STK32B: variants seen among roughly 807,000 people sequenced by gnomAD.
STK32B encodes the protein serine/threonine kinase 32B.
A neutral mutation model predicts 52.6 loss-of-function variants in STK32B; 43 were observed. That is an observed-to-expected ratio of 0.82 (90% CI 0.64 to 1.05). The LOEUF (loss-of-function observed/expected upper bound fraction) is 1.05. STK32B is among the 50% of genes least tolerant of loss of function. The probability of loss-of-function intolerance (pLI) is 0.00; values close to 1 mark genes in which losing one functional copy is unlikely to be tolerated. For synonymous variants in STK32B, 238 were observed against 204.3 expected (o/e 1.17, Z -1.41); for missense variants, 621 against 534.6 (o/e 1.16, Z -1.59).
chr4:5,289,786 G>A (rs1033077631), intron 3 of STK32B, among the ~76,000 whole-genome samples: 3 of 143,420 alleles, frequency 2.1e-5, no homozygotes, highest in Non-Finnish European at 4.5e-5. Flanking sequence ...CTTGTGATCC[G>A]CCTGCCTCGG....
chr4:5,339,636 C>A (rs1732940107), intron 4 of STK32B, among the ~76,000 whole-genome samples: 1 of 152,180 alleles, frequency 6.6e-6, no homozygotes, highest in African/African-American at 2.4e-5. Flanking sequence ...AGTAGCCACA[C>A]TCGGAAGTGG....
intron 1 of STK32B, among the ~76,000 whole-genome samples, chr4:5,068,294 G>A (rs564946154): frequency 6.6e-6 from 1 of 151,970 alleles, no homozygotes; most frequent in South Asian, 2.1e-4. Context: ...TTCTTCCCCC[G>A]TCTGAGTCTC....
chr4:5,260,092 C>T lies in STK32B; in HGVS notation c.261-71128C>T, dbSNP rs189150878. On this transcript the variant is annotated intron_variant, in intron 3 of 11. Coordinates refer to ENST00000282908, the MANE Select transcript of STK32B (RefSeq NM_018401.3). ...ACATACACACATACACACACACACA[C>T]GCACACGTGCACGCACACACACACG... Among the ~76,000 whole-genome samples, 8 of 152,070 alleles carry T rather than the reference C, an allele frequency of 5.3e-5. No individual in the cohort carries two copies. In the East Asian group the frequency reaches 5.8e-4, roughly 11 times the overall value.
intron 3 of STK32B, among the ~76,000 whole-genome samples, chr4:5,237,843 G>T (rs1444480195): frequency 2.6e-5 from 4 of 152,162 alleles, no homozygotes. Context: ...GAGTTTTCTG[G>T]TGAAGGACCT....
At chr4:5,419,179 T>C (rs1362907544) in intron 6 of STK32B, among the ~76,000 whole-genome samples, 1 of 152,220 alleles carries the variant, frequency 6.6e-6, no homozygotes, top group East Asian at 1.9e-4. Context: ...TTCTAAACTT[T>C]TAGAAGATGG....
At chr4:5,140,179 C>A in intron 2 of STK32B, 2 of 1,482,846 alleles carry the variant, frequency 1.3e-6, no homozygotes, top group African/African-American at 1.4e-5. Flanking sequence ...AGGTGAATTA[C>A]AATGGTATTT....
chr4:5,094,745 A>T (rs1404135849), intron 1 of STK32B, among the ~76,000 whole-genome samples: 1 of 152,208 alleles, frequency 6.6e-6, no homozygotes, highest in Non-Finnish European at 1.5e-5. Flanking sequence ...AGTCAACAGT[A>T]AGCTACTAGT....
At chr4:5,254,983 T>TATATATATATATATA (rs1577252456) in intron 3 of STK32B, among the ~76,000 whole-genome samples, 2 of 151,092 alleles carry the variant, frequency 1.3e-5, no homozygotes, top group African/African-American at 2.5e-5. Flanking sequence ...TATATGTTTA[T>TATATATATATATATA]TGAGCATCTT....
At chr4:5,047,593 C>T (rs915053373), upstream of STK32B, among the ~76,000 whole-genome samples, 41 of 152,342 alleles carry the variant, frequency 2.7e-4, no homozygotes, top group African/African-American at 9.6e-4. Context: ...ATTCCATCAA[C>T]GTATATTTGT....
chr4:5,260,692 G>T (rs1726655072), intron 3 of STK32B, among the ~76,000 whole-genome samples: 1 of 152,200 alleles, frequency 6.6e-6, no homozygotes, highest in Non-Finnish European at 1.5e-5. Context: ...GACGGGAGAG[G>T]TGGGATACTA....
In STK32B at chr4:5,453,720, A is replaced by T. The variant is rs12512730; in HGVS notation, c.667-3087A>T. On this transcript the variant is annotated intron_variant, in intron 7 of 11. Transcript: ENST00000282908. The surrounding 1 kb of genome is among the most constrained non-coding windows in gnomAD (Gnocchi z 4.0). ...GGAGTTCGAGACCAACCTGGCCAAC[A>T]TGGTAAAACCCGGTCTCTACTAAAA... Among the ~76,000 whole-genome samples the T allele has an allele frequency of 0.026, 3,887 of 152,202 alleles. 75 individuals are homozygous for T. Among genetic ancestry groups the T allele is most frequent in the South Asian group, 0.082 (397 of 4,820 alleles).
intron 3 of STK32B, among the ~76,000 whole-genome samples, chr4:5,248,141 G>T (rs1725596851): frequency 6.6e-6 from 1 of 152,184 alleles, no homozygotes. Flanking sequence ...AGGTCCTAGT[G>T]TTCCCATTTT....
At chr4:5,245,861 G>C (rs965807947) in intron 3 of STK32B, among the ~76,000 whole-genome samples, 1 of 152,108 alleles carries the variant, frequency 6.6e-6, no homozygotes, top group Non-Finnish European at 1.5e-5. Context: ...TGAAATTCTG[G>C]GTTGAAAATT....
In STK32B at chr4:5,394,159, C is replaced by T. The variant is rs1317807487; in HGVS notation, c.435-4048C>T. Among the ~76,000 whole-genome samples, 1 of 152,124 alleles carries T rather than the reference C, an allele frequency of 6.6e-6. No homozygotes were observed. On this transcript the variant is annotated intron_variant, in intron 4 of 11. Coordinates refer to ENST00000282908, the MANE Select transcript of STK32B (RefSeq NM_018401.3). This position sits in a 1 kb window ranked among gnomAD's most constrained non-coding sequence, Gnocchi z 4.2. Reference sequence around the variant, plus strand: ...TTCTATGCTGTTTTTTAAAATATCCCAGCTGACATTTTATGCTTTGTTTTA... The same window carrying T: ...TTCTATGCTGTTTTTTAAAATATCCTAGCTGACATTTTATGCTTTGTTTTA...
At chr4:5,338,777 C>A (rs73211143) in intron 4 of STK32B, among the ~76,000 whole-genome samples, 1 of 152,172 alleles carries the variant, frequency 6.6e-6, no homozygotes, top group African/African-American at 2.4e-5. Flanking sequence ...TCCAGATCTA[C>A]CCTGGGGAAA....
intron 3 of STK32B, among the ~76,000 whole-genome samples, chr4:5,172,360 T>C (rs1329361530): frequency 6.6e-6 from 1 of 152,162 alleles, no homozygotes; most frequent in Non-Finnish European, 1.5e-5. Flanking sequence ...ATAGGAGTGG[T>C]GAGAGAGGGC....
At chr4:5,298,220 G>A (rs375385803) in intron 3 of STK32B, among the ~76,000 whole-genome samples, 19 of 152,258 alleles carry the variant, frequency 1.2e-4, no homozygotes, top group East Asian at 3.9e-4. Flanking sequence ...GGTGTCTGTC[G>A]ACCCCTGCTG....
intron 3 of STK32B, among the ~76,000 whole-genome samples, chr4:5,321,099 G>C (rs1222346797): frequency 1.3e-5 from 2 of 151,842 alleles, no homozygotes; most frequent in Non-Finnish European, 2.9e-5. Context: ...AGAGGGAGGG[G>C]GTTGGAGCAA....
intron 4 of STK32B, 112 bp downstream of exon 4, chr4:5,331,505 G>A (rs1358497488): frequency 1.7e-6 from 2 of 1,176,006 alleles, no homozygotes; most frequent in South Asian, 1.6e-5. Context: ...TTTAAAAGTG[G>A]TAGTGCATGA....
Sources: allele counts gnomAD v4.1 joint callset (sites outside exome capture counted in the v4.1 genomes callset), GRCh38; gene constraint gnomAD v4.1.1; non-coding constraint Gnocchi (gnomAD v3.1); transcripts MANE v1.5; gene names NCBI Gene and HGNC (gene_info 2026-07-23, HGNC 2026-07-21).